Variants in RAB33B observed in about 807,000 individuals in gnomAD.
RAB33B encodes the protein ras-related protein Rab-33B.
A neutral mutation model predicts 15.0 loss-of-function variants in RAB33B; 6 were observed. The observed-to-expected ratio is 0.40, with a 90% confidence interval of 0.22 to 0.79. The LOEUF is 0.79. Ranked by LOEUF, RAB33B falls within the 30% of genes least tolerant of loss-of-function variation. RAB33B has a pLI of 0.37. For missense variants in RAB33B, 257 were observed against 296.4 expected, an observed-to-expected ratio of 0.87 and a Z score of 0.98; for synonymous variants, 117 against 108.3, an observed-to-expected ratio of 1.08 and a Z score of -0.50.
chr4:139,469,908 A>G (rs761009559), intron 1 of RAB33B, among the ~76,000 whole-genome samples: 4 of 151,982 alleles, frequency 2.6e-5, no homozygotes, highest in Non-Finnish European at 5.9e-5. Flanking sequence ...GAGGGACACA[A>G]GCACCCCTGT....
At chr4:139,440,795 A>T in the RAB33B span, among the ~76,000 whole-genome samples, 1 of 152,060 alleles carries the variant, frequency 6.6e-6, no homozygotes, top group East Asian at 1.9e-4. Flanking sequence ...TATTTTTCGT[A>T]GAGACGGATT....
intron 1 of RAB33B, among the ~76,000 whole-genome samples, chr4:139,468,112 T>C (rs1469573289): frequency 6.6e-6 from 1 of 152,104 alleles, no homozygotes; most frequent in African/African-American, 2.4e-5. Flanking sequence ...AGTGAGAACA[T>C]GTGATGTTTC....
chr4:139,440,270 G>A, the RAB33B span, among the ~76,000 whole-genome samples: 1 of 152,072 alleles, frequency 6.6e-6, no homozygotes, highest in Non-Finnish European at 1.5e-5. Context: ...ATGCAATTGT[G>A]TTTATGTCTG....
At chr4:139,464,048 G>A (rs1750224528) in intron 1 of RAB33B, among the ~76,000 whole-genome samples, 1 of 152,206 alleles carries the variant, frequency 6.6e-6, no homozygotes, top group Admixed American at 6.5e-5. Context: ...CAAGGTGGGA[G>A]GATCACTTGA....
In RAB33B at chr4:139,473,002, A is replaced by G; in HGVS notation, c.566A>G (p.Glu189Gly). ...AACCCCAATGATAATGACCATGTGG[A>G]AGCTATATTTATGACCTTGGCTCAT... ...AKNPNDNDHV[E>G]AIFMTLAHKL... Residue 189 changes from glutamate (E) to glycine (G), a missense_variant, in exon 2 of 2, where the codon GAA becomes GGA. Physicochemically the swap from Glu to Gly is moderately conservative, Grantham distance 98. Coordinates refer to ENST00000305626, the MANE Select transcript of RAB33B (RefSeq NM_031296.3). 1 of 1,614,170 alleles carries G rather than the reference A, an allele frequency of 6.2e-7. No homozygotes were observed. The highest frequency in any genetic ancestry group is 8.5e-7 in the Non-Finnish European group (1 of 1,180,022).
upstream of RAB33B, chr4:139,449,378 T>C (rs1749881466): frequency 6.6e-6 from 1 of 152,208 alleles, no homozygotes; most frequent in South Asian, 2.1e-4. Context: ...GGACTTGTGA[T>C]GGTTAATACA....
chr4:139,459,192 G>C (rs1035799845), intron 1 of RAB33B, among the ~76,000 whole-genome samples: 4 of 149,236 alleles, frequency 2.7e-5, no homozygotes, highest in Non-Finnish European at 5.9e-5. Flanking sequence ...CTGTAATCCC[G>C]GCACTTTGGG....
intron 1 of RAB33B, among the ~76,000 whole-genome samples, chr4:139,459,270 A>G (rs1434464665): frequency 1.3e-5 from 2 of 151,980 alleles, no homozygotes; most frequent in Admixed American, 6.6e-5. Flanking sequence ...CCCCATCTTT[A>G]CCAAAAATTT....
the RAB33B span, among the ~76,000 whole-genome samples, chr4:139,447,696 TCG>T: frequency 8.1e-6 from 1 of 124,110 alleles, no homozygotes; most frequent in African/African-American, 3.1e-5. Context: ...AGACAGAGTC[TCG>T]CTCTGTCGCC....
chr4:139,451,319 GC>G (rs1349366875), upstream of RAB33B: 1 of 150,456 alleles, frequency 6.6e-6, no homozygotes, highest in Non-Finnish European at 1.5e-5. Flanking sequence ...TCCAGCCTCA[GC>G]CTCCTGAGTA....
At chr4:139,468,564 G>A (rs1750333733) in intron 1 of RAB33B, among the ~76,000 whole-genome samples, 1 of 152,096 alleles carries the variant, frequency 6.6e-6, no homozygotes, top group African/African-American at 2.4e-5. Flanking sequence ...TCATCATTTA[G>A]TCTTTCTACT....
intron 1 of RAB33B, among the ~76,000 whole-genome samples, chr4:139,466,836 TC>T (rs973901032): frequency 9.2e-5 from 14 of 152,090 alleles, no homozygotes; most frequent in African/African-American, 3.4e-4. Context: ...CACCTCGGCC[TC>T]CCAAAGTGCT....
intron 1 of RAB33B, among the ~76,000 whole-genome samples, chr4:139,462,958 G>A (rs1034213161): frequency 1.3e-5 from 2 of 152,142 alleles, no homozygotes; most frequent in African/African-American, 4.8e-5. Context: ...TTGAGCCGAG[G>A]AATTCGAGAC....
At chr4:139,446,530 T>C in the RAB33B span, among the ~76,000 whole-genome samples, 3 of 152,166 alleles carry the variant, frequency 2.0e-5, no homozygotes, top group African/African-American at 4.8e-5. Flanking sequence ...AATTGGAAAA[T>C]TGGTGACAAA....
intron 1 of RAB33B, among the ~76,000 whole-genome samples, chr4:139,462,842 C>T (rs913999486): frequency 3.3e-5 from 5 of 152,146 alleles, no homozygotes; most frequent in African/African-American, 1.2e-4. Context: ...AGACAAGTAA[C>T]AAATTTTTGT....
At chr4:139,454,103 C>A, upstream of RAB33B, 3 of 1,443,588 alleles carry the variant, frequency 2.1e-6, no homozygotes, top group Non-Finnish European at 1.8e-6. Context: ...CGCAGCCGAA[C>A]TGGCCGGCTG....
At chr4:139,459,346 G>A (rs1295665643) in intron 1 of RAB33B, among the ~76,000 whole-genome samples, 1 of 151,992 alleles carries the variant, frequency 6.6e-6, no homozygotes, top group Non-Finnish European at 1.5e-5. Flanking sequence ...TAAGGCAGGA[G>A]GATTGCTTGA....
intron 1 of RAB33B, among the ~76,000 whole-genome samples, 157 bp downstream of exon 1, chr4:139,454,601 A>G (rs1750026892): frequency 1.3e-5 from 2 of 152,220 alleles, no homozygotes; most frequent in African/African-American, 2.4e-5. Context: ...CAATACTGCA[A>G]ACTTCTAAGG....
chr4:139,439,734 C>T, the RAB33B span, among the ~76,000 whole-genome samples: 1 of 152,222 alleles, frequency 6.6e-6, no homozygotes, highest in African/African-American at 2.4e-5. Flanking sequence ...TCTTTCTGTT[C>T]CTCAGACTCA....
Sources: gnomAD v4.1 joint callset for allele counts (sites outside exome capture counted in the v4.1 genomes callset) on GRCh38, gnomAD v4.1.1 for gene constraint, MANE v1.5 for transcripts, NCBI Gene and HGNC (gene_info 2026-07-23, HGNC 2026-07-21) for gene names.